The following GAB3 variants were observed in gnomAD, a reference collection of about 807,000 sequenced individuals.
GAB3 encodes GRB2-associated-binding protein 3.
A neutral mutation model predicts 40.4 loss-of-function variants in GAB3; 12 were observed. The ratio of observed to expected loss-of-function variants is 0.30; its 90% confidence interval spans 0.19 to 0.48. The LOEUF (loss-of-function observed/expected upper bound fraction) is 0.48, where lower values mean the gene tolerates loss of function less well. GAB3 is among the 20% of genes least tolerant of loss of function. The pLI is 0.99. For synonymous variants in GAB3, 154 were observed against 176.7 expected, an observed-to-expected ratio of 0.87 and a Z score of 1.02; for missense variants, 381 against 461.9, an observed-to-expected ratio of 0.82 and a Z score of 1.61.
At position 154,716,276 on chromosome X, in the gene GAB3, G is replaced by A. The variant is rs2071044807; in HGVS notation, c.126C>T (p.Pro42=). 1.7e-6 allele frequency: 2 copies of A among 1,211,608 alleles called. No homozygotes were observed. The highest frequency in any genetic ancestry group is 1.1e-6 in the Non-Finnish European group (1 of 895,460). The change falls in exon 2 of 10, where the codon CCC becomes CCT. Residue 42 remains proline, a synonymous_variant. Coordinates refer to ENST00000424127, the MANE Select transcript of GAB3 (RefSeq NM_001081573.3). The stretch of plus-strand genomic sequence containing the variant: ...TGTTCCTGTAGTACTCCAAGACATC[G>A]GGGTTGCCGCTCATGCGGCCTCGCC... The part of the protein sequence containing the change: ...VLRRGRMSGN[P]DVLEYYRNKH...
chrX:154,725,245 C>G (rs1280354698), intron 1 of GAB3, among the ~76,000 whole-genome samples: 1 of 111,570 alleles, frequency 9.0e-6, no homozygotes, highest in Admixed American at 9.5e-5. Context: ...GTCTGTGGTA[C>G]TTTGTTACAG....
chrX:154,726,269 T>C (rs1366111644), intron 1 of GAB3, among the ~76,000 whole-genome samples: 2 of 110,370 alleles, frequency 1.8e-5, no homozygotes, highest in Non-Finnish European at 3.8e-5. Flanking sequence ...AGGTAAAAAA[T>C]ACAATATCTG....
chrX:154,739,348 G>A (rs1485701627), intron 1 of GAB3, among the ~76,000 whole-genome samples: 4 of 111,359 alleles, frequency 3.6e-5, no homozygotes, highest in Admixed American at 2.9e-4. Context: ...ATGGATGAAT[G>A]GAAAAAGAAA....
intron 8 of GAB3, among the ~76,000 whole-genome samples, chrX:154,682,531 G>C (rs782280810): frequency 5.7e-4 from 64 of 111,362 alleles, no homozygotes; most frequent in Non-Finnish European, 9.8e-4. Flanking sequence ...TAGATGTTGA[G>C]TTCTATCAAA....
intron 1 of GAB3, among the ~76,000 whole-genome samples, chrX:154,734,032 T>G (rs143850572): frequency 3.6e-5 from 4 of 112,388 alleles, no homozygotes; most frequent in South Asian, 7.3e-4. Flanking sequence ...GTGTGAAAAT[T>G]TGGGTGGGGT....
intron 8 of GAB3, among the ~76,000 whole-genome samples, chrX:154,682,063 C>T (rs1199623581): frequency 8.9e-6 from 1 of 112,008 alleles, no homozygotes; most frequent in African/African-American, 3.2e-5. Context: ...ATTTTCTCCA[C>T]AATATTTTTT....
At chrX:154,745,740 A>G (rs2071515952) in intron 1 of GAB3, among the ~76,000 whole-genome samples, 2 of 112,270 alleles carry the variant, frequency 1.8e-5, no homozygotes, top group South Asian at 7.4e-4. Flanking sequence ...TAACCCACAT[A>G]GCCCTATATC....
chrX:154,680,553 C>G (rs1418932609), intron 8 of GAB3, among the ~76,000 whole-genome samples: 1 of 112,206 alleles, frequency 8.9e-6, no homozygotes, highest in Admixed American at 9.5e-5. Context: ...AGATTAAACC[C>G]TAACAAGATC....
chrX:154,712,175 G>T, intron 4 of GAB3, 54 bp downstream of exon 4: 1 of 929,001 alleles, frequency 1.1e-6, no homozygotes, highest in Non-Finnish European at 1.5e-6. Context: ...GGCACAAAGA[G>T]TGAAGAGGAG....
At chrX:154,721,433 T>G (rs1018153024) in intron 1 of GAB3, among the ~76,000 whole-genome samples, 1 of 111,907 alleles carries the variant, frequency 8.9e-6, no homozygotes, top group Non-Finnish European at 1.9e-5. Flanking sequence ...GGCAAGCGAG[T>G]GCACGCAAGA....
intron 8 of GAB3, among the ~76,000 whole-genome samples, chrX:154,685,256 T>G (rs1017071035): frequency 1.9e-4 from 21 of 111,705 alleles, no homozygotes; most frequent in African/African-American, 6.8e-4. Context: ...TTCCAAAAAC[T>G]GCCTACTTCC....
chrX:154,719,103 C>T (rs782297380), intron 1 of GAB3, among the ~76,000 whole-genome samples: 3 of 111,628 alleles, frequency 2.7e-5, no homozygotes, highest in East Asian at 5.6e-4. Flanking sequence ...TTCAACTCAG[C>T]GTAGTGAGCG....
At chrX:154,683,423 G>A (rs2070402824) in intron 8 of GAB3, among the ~76,000 whole-genome samples, 1 of 112,106 alleles carries the variant, frequency 8.9e-6, no homozygotes, top group East Asian at 2.8e-4. Flanking sequence ...GGTCAAATAT[G>A]TCTAGTATCC....
intron 6 of GAB3, among the ~76,000 whole-genome samples, 158 bp downstream of exon 6, chrX:154,699,136 G>GC (rs2070702633): frequency 9.0e-6 from 1 of 111,258 alleles, no homozygotes; most frequent in Non-Finnish European, 1.9e-5. Flanking sequence ...AGGTGCCCCA[G>GC]CCCTTCCTAT....
intron 4 of GAB3, among the ~76,000 whole-genome samples, chrX:154,711,884 G>T (rs1295226899): frequency 1.8e-5 from 2 of 112,108 alleles, no homozygotes; most frequent in Non-Finnish European, 3.8e-5. Flanking sequence ...AGGGACCAGG[G>T]TTCCAACCTA....
intron 1 of GAB3, among the ~76,000 whole-genome samples, chrX:154,725,552 C>T (rs782052418): frequency 9.0e-6 from 1 of 110,791 alleles, no homozygotes; most frequent in East Asian, 2.8e-4. Flanking sequence ...AAGCAGAGAT[C>T]GGAATTCTGG....
At chrX:154,751,142 G>T (rs1192475285), upstream of GAB3, 1 of 663,365 alleles carries the variant, frequency 1.5e-6, no homozygotes. Context: ...CGCCCCGAGC[G>T]GCCGCTGCGA....
intron 1 of GAB3, among the ~76,000 whole-genome samples, chrX:154,723,785 T>C (rs2071172259): frequency 9.0e-6 from 1 of 111,223 alleles, no homozygotes; most frequent in Admixed American, 9.5e-5. Context: ...CAAACAAGTA[T>C]CCATAACAGT....
upstream of GAB3, chrX:154,751,167 C>A (rs1227385835): frequency 3.9e-6 from 2 of 512,560 alleles, no homozygotes; most frequent in East Asian, 1.8e-4. Flanking sequence ...CGCCTCCGGC[C>A]GCCGCGGCCC....
Sources: gnomAD v4.1 joint callset for allele counts (sites outside exome capture counted in the v4.1 genomes callset) on GRCh38, gnomAD v4.1.1 for gene constraint, MANE v1.5 for transcripts, NCBI Gene and HGNC (gene_info 2026-07-23, HGNC 2026-07-21) for gene names.